PTPRT: variants seen among roughly 807,000 people sequenced by gnomAD.
The protein encoded by PTPRT is protein tyrosine phosphatase receptor type T, also known as receptor-type tyrosine-protein phosphatase T.
Under a neutral mutation model 176.8 loss-of-function variants are expected in PTPRT, and 56 were observed. That is an observed-to-expected ratio of 0.32 (90% CI 0.26 to 0.40). PTPRT has a LOEUF of 0.40. PTPRT is among the 10% of genes least tolerant of loss of function. The pLI is 1.00. For synonymous variants in PTPRT, 783 were observed against 739.0 expected (o/e 1.06, Z -0.96); for missense variants, 1,540 against 1,908.2 (o/e 0.81, Z 3.60).
chr20:43,052,298 C>A (rs911799836), intron 1 of PTPRT, among the ~76,000 whole-genome samples: 1 of 152,218 alleles, frequency 6.6e-6, no homozygotes, highest in African/African-American at 2.4e-5. Context: ...ACTGAACCCA[C>A]CTGGCTATTG....
the PTPRT span, among the ~76,000 whole-genome samples, chr20:42,036,085 G>A: frequency 3.3e-5 from 5 of 152,190 alleles, no homozygotes; most frequent in African/African-American, 1.2e-4. Flanking sequence ...CTGAGTGGTG[G>A]TGTTGAACAT....
At chr20:42,195,350 C>A (rs543737528) in intron 16 of PTPRT, among the ~76,000 whole-genome samples, 66 of 152,274 alleles carry the variant, frequency 4.3e-4, no homozygotes, top group African/African-American at 1.5e-3. Flanking sequence ...AATCTCAGGG[C>A]CTCCTAAAGA....
intron 1 of PTPRT, among the ~76,000 whole-genome samples, chr20:43,135,647 T>A (rs2013807629): frequency 6.7e-6 from 1 of 148,854 alleles, no homozygotes; most frequent in Non-Finnish European, 1.5e-5. Context: ...AACACACTGT[T>A]GGTTGGGAAA....
At chr20:43,187,450 T>C (rs960362067) in intron 1 of PTPRT, among the ~76,000 whole-genome samples, 3 of 151,964 alleles carry the variant, frequency 2.0e-5, no homozygotes, top group Non-Finnish European at 4.4e-5. Flanking sequence ...TTTTGACAAA[T>C]ACAGATGTTC....
chr20:42,092,121 A>G (rs1984684688), intron 27 of PTPRT, among the ~76,000 whole-genome samples: 1 of 152,144 alleles, frequency 6.6e-6, no homozygotes. Flanking sequence ...AAGGAGGTAA[A>G]TGGGAAGAAA....
intron 8 of PTPRT, among the ~76,000 whole-genome samples, chr20:42,461,248 A>G (rs2071013721): frequency 6.6e-6 from 1 of 152,194 alleles, no homozygotes; most frequent in African/African-American, 2.4e-5. Context: ...AATGGCTTGA[A>G]CCTGGGAGGC....
chr20:43,087,668 T>C (rs1317274320), intron 1 of PTPRT, among the ~76,000 whole-genome samples: 1 of 152,104 alleles, frequency 6.6e-6, no homozygotes, highest in Non-Finnish European at 1.5e-5. Context: ...CTTGCCCACA[T>C]TGTTCTTTTC....
At chr20:42,242,510 C>A (rs1434498276) in intron 14 of PTPRT, among the ~76,000 whole-genome samples, 1 of 152,170 alleles carries the variant, frequency 6.6e-6, no homozygotes, top group Non-Finnish European at 1.5e-5. Context: ...TGAAGAGATT[C>A]TGTCCAGATC....
rs938749062 is a variant in PTPRT, at chr20:42,993,034, A to T, written c.89-107102T>A. 3.3e-5 allele frequency among the ~76,000 whole-genome samples: 5 copies of T among 152,148 alleles called. 1 individual carries two copies. Among genetic ancestry groups the T allele is most frequent in the Non-Finnish European group, 7.3e-5 (5 of 68,038 alleles). ...AGCCACACAGCATCAGTTCCACTACATTCTATTTATCAAGTCAGTCATGAG... is the reference window on the plus strand; with the variant it reads ...AGCCACACAGCATCAGTTCCACTACTTTCTATTTATCAAGTCAGTCATGAG... On this transcript the variant is annotated intron_variant, in intron 1 of 30. Coordinates refer to ENST00000373187, the MANE Select transcript of PTPRT (RefSeq NM_007050.6).
At chr20:42,964,715 C>T (rs58501109) in intron 1 of PTPRT, among the ~76,000 whole-genome samples, 2,164 of 152,074 alleles carry the variant, frequency 0.014, 68 homozygotes, top group African/African-American at 0.05. Flanking sequence ...AGTATTTTTT[C>T]GGTGATGATT....
rs80214089 is a variant in PTPRT at position 42,699,504 on chromosome 20, A to C, written c.860-21345T>G. Among the ~76,000 whole-genome samples the C allele has an allele frequency of 8.9e-3, 1,351 of 152,258 alleles. 22 individuals carry two copies. Among genetic ancestry groups the C allele is most frequent in the African/African-American group, 0.031 (1,304 of 41,522 alleles). On this transcript the variant is annotated intron_variant, in intron 6 of 30. Transcript: ENST00000373187. ...AAAAGAAGACAGACTTCCTTCTATC[A>C]TAGTAATATGCACTCTCATTTGAAA...
rs1328744206 is a variant in PTPRT at position 42,891,337 on chromosome 20, C to T, written c.89-5405G>A. On this transcript the variant is annotated intron_variant, in intron 1 of 30. Transcript: ENST00000373187. The stretch of plus-strand genomic sequence containing the variant: ...GAGGACAGGGAAGTGCAGCCACTGG[C>T]CAAGGACCCAGCACCTCCCCAGAGG... Among the ~76,000 whole-genome samples, 9 of 152,286 alleles carry T rather than the reference C, an allele frequency of 5.9e-5. No individual in the cohort carries two copies. The East Asian group carries it at 9.7e-4, about 16-fold the overall frequency.
intron 7 of PTPRT, among the ~76,000 whole-genome samples, chr20:42,665,118 G>A (rs1480775787): frequency 1.3e-5 from 2 of 151,828 alleles, no homozygotes; most frequent in Admixed American, 6.6e-5. Flanking sequence ...TTAAACTAAA[G>A]AGCTTCTGCA....
At chr20:42,876,137 G>C (rs1169322038) in intron 2 of PTPRT, among the ~76,000 whole-genome samples, 1 of 152,092 alleles carries the variant, frequency 6.6e-6, no homozygotes, top group African/African-American at 2.4e-5. Flanking sequence ...AGGGTGGAGA[G>C]AGGTAACTTA....
intron 6 of PTPRT, among the ~76,000 whole-genome samples, chr20:42,689,144 A>G (rs2146111172): frequency 6.6e-6 from 1 of 152,302 alleles, no homozygotes; most frequent in East Asian, 1.9e-4. Context: ...TTTCGCACCC[A>G]AAAAGTTGCC....
intron 7 of PTPRT, among the ~76,000 whole-genome samples, chr20:42,568,247 G>A (rs756030017): frequency 3.3e-5 from 5 of 152,126 alleles, no homozygotes; most frequent in African/African-American, 7.2e-5. Flanking sequence ...GATTACAGGC[G>A]TGAGCCACCG....
intron 18 of PTPRT, among the ~76,000 whole-genome samples, chr20:42,133,619 T>C (rs1312911311): frequency 6.6e-6 from 1 of 152,222 alleles, no homozygotes; most frequent in Admixed American, 6.5e-5. Context: ...AGTAGATATA[T>C]GTCATTGTAC....
chr20:42,620,532 C>T (rs1193044583), intron 7 of PTPRT, among the ~76,000 whole-genome samples: 1 of 149,782 alleles, frequency 6.7e-6, no homozygotes, highest in African/African-American at 2.5e-5. Context: ...GGGCGCCCCT[C>T]CCCCAGCCTC....
intron 1 of PTPRT, among the ~76,000 whole-genome samples, chr20:43,091,520 TTCTC>T (rs763714698): frequency 0.014 from 1,831 of 130,726 alleles, 55 homozygotes; most frequent in African/African-American, 0.048. Flanking sequence ...CCCCCTCTCT[TTCTC>T]TCTCTCTCTC....
Sources: gnomAD v4.1 joint callset for allele counts (sites outside exome capture counted in the v4.1 genomes callset) on GRCh38, gnomAD v4.1.1 for gene constraint, MANE v1.5 for transcripts, NCBI Gene and HGNC (gene_info 2026-07-23, HGNC 2026-07-21) for gene names.